ADGB: variants seen among roughly 807,000 people sequenced by gnomAD.
ADGB encodes the protein calpain-7-like protein.
A neutral mutation model predicts 210.5 loss-of-function variants in ADGB; 172 were observed. The observed-to-expected ratio is 0.82, with a 90% CI of 0.72 to 0.93. The LOEUF (loss-of-function observed/expected upper bound fraction) is 0.93. Among genes scored for constraint, ADGB ranks in the 40% least tolerant of loss-of-function variants. The probability of loss-of-function intolerance (pLI) is 0.00; values close to 1 mark genes in which losing one functional copy is unlikely to be tolerated. For missense variants in ADGB, 2,025 were observed against 1,964.8 expected, an observed-to-expected ratio of 1.03 and a Z score of -0.58; for synonymous variants, 658 against 662.7, an observed-to-expected ratio of 0.99 and a Z score of 0.11.
chr6:146,710,794 C>G (rs1776647891), intron 13 of ADGB, among the ~76,000 whole-genome samples: 1 of 152,160 alleles, frequency 6.6e-6, no homozygotes, highest in Non-Finnish European at 1.5e-5. Context: ...TACACCTCCT[C>G]ATTTTTCAGT....
intron 13 of ADGB, among the ~76,000 whole-genome samples, chr6:146,704,088 AC>A (rs756214355): frequency 3.2e-4 from 48 of 152,034 alleles, no homozygotes; most frequent in Admixed American, 7.2e-4. Context: ...TAAAACACAT[AC>A]GTTGGCCATT....
chr6:146,642,429 G>T (rs1382012804), intron 2 of ADGB, among the ~76,000 whole-genome samples: 1 of 151,964 alleles, frequency 6.6e-6, no homozygotes, highest in African/African-American at 2.4e-5. Context: ...AGAGACACAT[G>T]CATGCGAGTG....
chr6:146,734,752 A>G (rs1285955695), intron 22 of ADGB, among the ~76,000 whole-genome samples: 1 of 152,182 alleles, frequency 6.6e-6, no homozygotes, highest in Admixed American at 6.5e-5. Context: ...TCTACAAAAA[A>G]TATAAAAATT....
chr6:146,751,142 C>T lies in ADGB; in HGVS notation c.3366-1388C>T, dbSNP rs560582868. ...TGCTCTCCCACCCCCCACCCTCCCG[C>T]AACATGCCCTAGAGTAAGTGTTGTT... On this transcript the variant is annotated intron_variant, in intron 26 of 35. Transcript: ENST00000397944. Among the ~76,000 whole-genome samples the T allele has an allele frequency of 1.2e-4, 15 of 129,964 alleles. No homozygotes were observed. The South Asian group carries it at 3.9e-3, about 34-fold the overall frequency. The allele number at this position is 129,964 out of a possible 152,430, so 85.3% of individuals were successfully genotyped here. A position where few individuals can be genotyped will look rare whatever the true frequency, so the allele number is the denominator to read the frequency against.
intron 28 of ADGB, among the ~76,000 whole-genome samples, chr6:146,767,618 G>A (rs956528738): frequency 1.3e-5 from 2 of 152,030 alleles, no homozygotes; most frequent in African/African-American, 4.8e-5. Context: ...ATAGGCACAT[G>A]CCCCCACACC....
chr6:146,802,124 G>A (rs1048536935), intron 35 of ADGB, 113 bp downstream of exon 35: 1 of 745,330 alleles, frequency 1.3e-6, no homozygotes, highest in South Asian at 4.1e-5. Flanking sequence ...GAAAACATAG[G>A]TTTCTATTAT....
chr6:146,745,566 A>T (rs1327705959), intron 25 of ADGB, among the ~76,000 whole-genome samples: 1 of 152,256 alleles, frequency 6.6e-6, no homozygotes, highest in Non-Finnish European at 1.5e-5. Flanking sequence ...AGGAAAATCA[A>T]GTAAGAAGCT....
chr6:146,714,306 G>A (rs921311847), intron 13 of ADGB, among the ~76,000 whole-genome samples: 5 of 140,248 alleles, frequency 3.6e-5, no homozygotes, highest in African/African-American at 1.5e-4. Flanking sequence ...GGCTCCCAAT[G>A]TGCATCTTGT....
intron 2 of ADGB, among the ~76,000 whole-genome samples, chr6:146,637,554 C>A (rs928564147): frequency 1.3e-5 from 2 of 151,882 alleles, no homozygotes; most frequent in African/African-American, 4.8e-5. Context: ...AATAAACACT[C>A]CAGCTTTTTT....
intron 28 of ADGB, among the ~76,000 whole-genome samples, chr6:146,765,612 T>C (rs1377753414): frequency 6.6e-6 from 1 of 150,894 alleles, no homozygotes; most frequent in African/African-American, 2.4e-5. Context: ...ATATTAAATA[T>C]ACTAAATAAT....
At chr6:146,756,061 A>T (rs918835107) in intron 27 of ADGB, among the ~76,000 whole-genome samples, 3 of 152,078 alleles carry the variant, frequency 2.0e-5, no homozygotes, top group African/African-American at 7.2e-5. Context: ...TAACAACTAC[A>T]GGCAAATTAG....
At chr6:146,770,526 A>C (rs1777634881) in intron 29 of ADGB, 1 of 463,652 alleles carries the variant, frequency 2.2e-6, no homozygotes, top group Non-Finnish European at 4.5e-6. Context: ...CCTCGGTCTC[A>C]TCATTGCATC....
chr6:146,653,363 C>T (rs6903919), intron 3 of ADGB, among the ~76,000 whole-genome samples: 2,298 of 152,102 alleles, frequency 0.015, 58 homozygotes, highest in African/African-American at 0.052. Flanking sequence ...CTCCTTGGTT[C>T]GTGGAAAAAT....
intron 5 of ADGB, among the ~76,000 whole-genome samples, chr6:146,663,896 G>A (rs1435657599): frequency 6.6e-6 from 1 of 151,980 alleles, no homozygotes; most frequent in African/African-American, 2.4e-5. Context: ...TTTGGTTCTG[G>A]TCCTTGAAAC....
At chr6:146,741,554 T>G (rs1178998260) in intron 25 of ADGB, among the ~76,000 whole-genome samples, 1 of 152,118 alleles carries the variant, frequency 6.6e-6, no homozygotes, top group Admixed American at 6.6e-5. Flanking sequence ...AAGAAACATA[T>G]AAATGCTTAA....
intron 3 of ADGB, among the ~76,000 whole-genome samples, chr6:146,650,347 T>TA (rs1169210876): frequency 6.6e-6 from 1 of 151,972 alleles, no homozygotes; most frequent in Admixed American, 6.6e-5. Flanking sequence ...AACAGCAGAT[T>TA]CAAAACAGGC....
At chr6:146,732,050 A>G (rs921922645) in intron 20 of ADGB, among the ~76,000 whole-genome samples, 2 of 152,074 alleles carry the variant, frequency 1.3e-5, no homozygotes, top group African/African-American at 4.8e-5. Flanking sequence ...TTTTTAACCG[A>G]GCCTCCTATG....
At chr6:146,718,998 T>C (rs578072373) in intron 16 of ADGB, among the ~76,000 whole-genome samples, 1 of 152,322 alleles carries the variant, frequency 6.6e-6, no homozygotes, top group Admixed American at 6.5e-5. Flanking sequence ...TAATGTACAG[T>C]TTACAGTTTA....
chr6:146,659,951 T>A (rs535350069), intron 5 of ADGB, among the ~76,000 whole-genome samples: 2 of 152,326 alleles, frequency 1.3e-5, no homozygotes, highest in East Asian at 3.9e-4. Flanking sequence ...ACCAATAATT[T>A]TTCCCAGTTG....
Sources: gnomAD v4.1 joint callset for allele counts (sites outside exome capture counted in the v4.1 genomes callset) on GRCh38, gnomAD v4.1.1 for gene constraint, MANE v1.5 for transcripts, NCBI Gene and HGNC (gene_info 2026-07-23, HGNC 2026-07-21) for gene names.